EPB41L2: variants seen among roughly 807,000 people sequenced by gnomAD.
EPB41L2 encodes erythrocyte membrane protein band 4.1 like 2.
In EPB41L2, 43 loss-of-function variants were observed where a neutral mutation model predicts 113.0. The observed-to-expected ratio is 0.38, with a 90% confidence interval of 0.30 to 0.49. EPB41L2 has a LOEUF of 0.49. Ranked by LOEUF, EPB41L2 falls within the 20% of genes least tolerant of loss-of-function variation. The pLI, the probability that EPB41L2 is intolerant of heterozygous loss-of-function variation, is 0.95. For synonymous variants in EPB41L2, 442 were observed against 436.7 expected (o/e 1.01, Z -0.15); for missense variants, 1,147 against 1,223.4 (o/e 0.94, Z 0.93).
chr6:131,048,152 A>AG (rs1284214904), intron 1 of EPB41L2, among the ~76,000 whole-genome samples: 1 of 81,906 alleles, frequency 1.2e-5, no homozygotes, highest in Non-Finnish European at 3.4e-5. Flanking sequence ...AAAAAAAAAA[A>AG]AAAAAGAAAA....
intron 1 of EPB41L2, among the ~76,000 whole-genome samples, chr6:131,051,129 A>G (rs1458906935): frequency 1.3e-5 from 2 of 152,150 alleles, no homozygotes; most frequent in African/African-American, 4.8e-5. Context: ...TTTCCTAGGA[A>G]GTAGCTTCTT....
intron 1 of EPB41L2, among the ~76,000 whole-genome samples, chr6:130,967,949 A>G (rs1374213721): frequency 6.6e-6 from 1 of 152,192 alleles, no homozygotes; most frequent in Admixed American, 6.5e-5. Context: ...ATCATAACCA[A>G]GCTCAAACCA....
intron 1 of EPB41L2, among the ~76,000 whole-genome samples, chr6:130,985,236 A>G (rs773883031): frequency 4.6e-5 from 7 of 151,710 alleles, no homozygotes; most frequent in Non-Finnish European, 8.8e-5. Flanking sequence ...TTCCAATACT[A>G]CCTTTGGCCT....
intron 1 of EPB41L2, among the ~76,000 whole-genome samples, chr6:131,049,267 T>C (rs1384659377): frequency 6.6e-6 from 1 of 152,228 alleles, no homozygotes; most frequent in Non-Finnish European, 1.5e-5. Flanking sequence ...GAAATTAAGA[T>C]GTAGGCTTTA....
chr6:131,032,436 T>TC (rs1271754415), intron 1 of EPB41L2, among the ~76,000 whole-genome samples: 1 of 152,184 alleles, frequency 6.6e-6, no homozygotes, highest in Non-Finnish European at 1.5e-5. Context: ...TCACAGTATC[T>TC]CAGTGGGCCA....
intron 11 of EPB41L2, among the ~76,000 whole-genome samples, chr6:130,889,373 CCATGTGTAGTTTATATAAAACTTATTT>C (rs1792052319): frequency 6.6e-6 from 1 of 151,758 alleles, no homozygotes; most frequent in Non-Finnish European, 1.5e-5. Flanking sequence ...ATATATTTTT[CCATGTGTAGTTTATATAAAACTTATTT>C]CATGTGTAGT....
At chr6:130,951,204 C>T (rs146276504) in intron 3 of EPB41L2, among the ~76,000 whole-genome samples, 3,235 of 124,504 alleles carry the variant, frequency 0.026, 124 homozygotes, top group African/African-American at 0.097. Context: ...TTTCAGTGAG[C>T]CAAGATCATG....
At chr6:131,018,300 T>C (rs898013940) in intron 1 of EPB41L2, among the ~76,000 whole-genome samples, 9 of 152,152 alleles carry the variant, frequency 5.9e-5, no homozygotes, top group Non-Finnish European at 1.3e-4. Flanking sequence ...GGACCCCATA[T>C]TCAAGGAGTA....
chr6:130,928,219 G>C (rs1303614632), intron 3 of EPB41L2, among the ~76,000 whole-genome samples: 2 of 152,176 alleles, frequency 1.3e-5, no homozygotes, highest in Non-Finnish European at 2.9e-5. Flanking sequence ...ATATGTGCTT[G>C]TTTGTCTACA....
Position 130,900,066 on chromosome 6 carries a change from C to A in EPB41L2, c.1149-488G>T, listed in dbSNP as rs555660725. Among the ~76,000 whole-genome samples the A allele has an allele frequency of 3.3e-5, 5 of 152,172 alleles. 1 individual carries two copies. The South Asian group carries it at 1.0e-3, about 32-fold the overall frequency. ...ATTATTTCCATTCCTATCTATATAC[C>A]CAACTAAGTAAACTTTAAGCTCCTA... On this transcript the variant is annotated intron_variant, in intron 7 of 19. Transcript: ENST00000337057.
chr6:130,890,136 C>T (rs1458619313), intron 11 of EPB41L2, among the ~76,000 whole-genome samples, 158 bp downstream of exon 11: 1 of 152,044 alleles, frequency 6.6e-6, no homozygotes, highest in East Asian at 1.9e-4. Flanking sequence ...CAAAATTATT[C>T]TCTTGTAGGT....
chr6:130,864,733 C>A (rs1012327393), intron 17 of EPB41L2, among the ~76,000 whole-genome samples: 36 of 152,214 alleles, frequency 2.4e-4, no homozygotes, highest in African/African-American at 8.4e-4. Flanking sequence ...TGAGCACCAA[C>A]AGTACCTTGC....
chr6:131,047,418 T>A (rs1029861694), intron 1 of EPB41L2, among the ~76,000 whole-genome samples: 1 of 152,180 alleles, frequency 6.6e-6, no homozygotes, highest in African/African-American at 2.4e-5. Flanking sequence ...CAAAACATGG[T>A]GCTTATTGTT....
intron 1 of EPB41L2, among the ~76,000 whole-genome samples, chr6:131,005,742 C>A (rs1785356517): frequency 6.6e-6 from 1 of 152,162 alleles, no homozygotes; most frequent in East Asian, 1.9e-4. Flanking sequence ...CAAGAACTGG[C>A]TTTCAATTTT....
chr6:130,966,938 A>T (rs146348202), intron 1 of EPB41L2, among the ~76,000 whole-genome samples: 1 of 152,106 alleles, frequency 6.6e-6, no homozygotes, highest in Non-Finnish European at 1.5e-5. Flanking sequence ...AAAGAATCTG[A>T]TTTCTGCCAG....
At chr6:131,013,112 A>G (rs192269424) in intron 1 of EPB41L2, among the ~76,000 whole-genome samples, 1 of 152,346 alleles carries the variant, frequency 6.6e-6, no homozygotes, top group East Asian at 1.9e-4. Flanking sequence ...GGCACACTGT[A>G]AGTACTAATA....
At chr6:130,967,212 T>A (rs906556201) in intron 1 of EPB41L2, among the ~76,000 whole-genome samples, 1 of 152,142 alleles carries the variant, frequency 6.6e-6, no homozygotes, top group African/African-American at 2.4e-5. Context: ...TATATCCAAG[T>A]TTAGCACCCT....
intron 1 of EPB41L2, among the ~76,000 whole-genome samples, chr6:130,980,577 T>A (rs891346437): frequency 6.9e-6 from 1 of 145,886 alleles, no homozygotes; most frequent in Admixed American, 6.8e-5. Flanking sequence ...GGGGCAGGGG[T>A]GGGGTGGATC....
Position 130,865,653 on chromosome 6 carries a change from A to G in EPB41L2, c.2731-19T>C, listed in dbSNP as rs1343088142. ...CATCAATCTTTGGATAGTTGGGGGAAAAATACAAAGTAATGCTTAACTTCT... is the reference window on the plus strand; with the variant it reads ...CATCAATCTTTGGATAGTTGGGGGAGAAATACAAAGTAATGCTTAACTTCT... On this transcript the variant is annotated intron_variant, in intron 16 of 19. Transcript: ENST00000337057. 2 of 1,612,052 alleles carry G rather than the reference A, an allele frequency of 1.2e-6. No homozygotes were observed. Among genetic ancestry groups the G allele is most frequent in the African/African-American group, 2.7e-5 (2 of 74,864 alleles).
Sources: gnomAD v4.1 joint callset for allele counts (sites outside exome capture counted in the v4.1 genomes callset) on GRCh38, gnomAD v4.1.1 for gene constraint, MANE v1.5 for transcripts, NCBI Gene and HGNC (gene_info 2026-07-23, HGNC 2026-07-21) for gene names.